Variants in FMN1 observed in about 807,000 individuals in gnomAD.
FMN1 encodes formin 1, also known as formin-1.
Under a neutral mutation model 132.4 loss-of-function variants are expected in FMN1, and 110 were observed. That is an observed-to-expected ratio of 0.83 (90% CI 0.71 to 0.97). The LOEUF is 0.97. Among genes scored for constraint, FMN1 ranks in the 50% least tolerant of loss-of-function variants. The pLI, the probability that FMN1 is intolerant of heterozygous loss-of-function variation, is 0.00. For synonymous variants in FMN1, 722 were observed against 651.7 expected, an observed-to-expected ratio of 1.11 and a Z score of -1.64; for missense variants, 1,792 against 1,705.3, an observed-to-expected ratio of 1.05 and a Z score of -0.90.
At chr15:32,874,033 T>C (rs1386822284) in intron 16 of FMN1, among the ~76,000 whole-genome samples, 1 of 150,372 alleles carries the variant, frequency 6.7e-6, no homozygotes, top group East Asian at 1.9e-4. Flanking sequence ...TTTTTTTTTT[T>C]TTTGATACAG....
intron 15 of FMN1, among the ~76,000 whole-genome samples, chr15:32,890,479 G>A (rs1347775205): frequency 6.6e-6 from 1 of 152,208 alleles, no homozygotes; most frequent in African/African-American, 2.4e-5. Context: ...GAATAAGGCA[G>A]TATCGCATTG....
chr15:33,158,159 C>T (rs1240428910), intron 3 of FMN1, among the ~76,000 whole-genome samples: 1 of 152,102 alleles, frequency 6.6e-6, no homozygotes, highest in Non-Finnish European at 1.5e-5. Context: ...GCAGTAAAAA[C>T]TCAATGAAGA....
chr15:32,881,677 CAAG>C (rs1231867907), intron 16 of FMN1, among the ~76,000 whole-genome samples: 2 of 152,108 alleles, frequency 1.3e-5, no homozygotes, highest in Non-Finnish European at 2.9e-5. Flanking sequence ...TTTCCTCTTA[CAAG>C]AAGCATTTAA....
intron 9 of FMN1, among the ~76,000 whole-genome samples, chr15:32,931,449 G>T (rs908269042): frequency 2.6e-5 from 4 of 151,930 alleles, no homozygotes; most frequent in South Asian, 4.1e-4. Context: ...TCATTTTTTT[G>T]GATGTTACTT....
Position 33,095,512 on chromosome 15 carries a change from G to A in FMN1, c.1868-6538C>T, listed in dbSNP as rs553604689. 2.1e-4 allele frequency among the ~76,000 whole-genome samples: 32 copies of A among 151,972 alleles called. No individual in the cohort carries two copies. The South Asian group carries it at 5.8e-3, about 28-fold the overall frequency. ...CTGTGCTCAGCAATCCTCCTGCCTC[G>A]GCCTCCCAAGTAGCTGGGACAACAG... On this transcript the variant is annotated intron_variant, in intron 4 of 20. Transcript: ENST00000616417.
At chr15:33,061,513 CACGCTCCTCGTGAAGTTACT>C (rs1366904330) in intron 6 of FMN1, among the ~76,000 whole-genome samples, 62 of 152,036 alleles carry the variant, frequency 4.1e-4, no homozygotes, top group African/African-American at 1.4e-3. Context: ...TTTTATAAGA[CACGCTCCTCGTGAAGTTACT>C]AAACATTATC....
chr15:33,093,282 C>G (rs2038966606), intron 4 of FMN1, among the ~76,000 whole-genome samples: 1 of 143,678 alleles, frequency 7.0e-6, no homozygotes, highest in African/African-American at 2.6e-5. Context: ...AAAATAAACC[C>G]TAAGAGGTAA....
chr15:32,869,461 G>GA (rs1422367448), intron 16 of FMN1, among the ~76,000 whole-genome samples: 1 of 152,162 alleles, frequency 6.6e-6, no homozygotes, highest in Non-Finnish European at 1.5e-5. Context: ...GCTCGAGGTG[G>GA]AAAATCAAAG....
chr15:33,153,691 A>G lies in FMN1; in HGVS notation c.1224T>C (p.Ser408=), dbSNP rs1425405882. The change falls in exon 4 of 21, where the codon AGT becomes AGC. Residue 408 remains serine, a synonymous_variant. Coordinates refer to ENST00000616417, the MANE Select transcript of FMN1 (RefSeq NM_001277313.2). The part of the protein sequence containing the change: ...SPAGETASIS[S]VSASAEGAVN... ...CGGCCCCCTCGGCACTGGCCGACAC[A>G]CTAGAAATGGAGGCTGTTTCCCCGG... The G allele has an allele frequency of 1.3e-6, 2 of 1,536,172 alleles. No homozygotes were observed. The highest frequency in any genetic ancestry group is 2.4e-5 in the South Asian group (2 of 84,056).
intron 6 of FMN1, among the ~76,000 whole-genome samples, chr15:33,051,508 T>TAAC (rs397709099): frequency 4.7e-5 from 7 of 150,488 alleles, no homozygotes; most frequent in Non-Finnish European, 8.9e-5. Context: ...GCTCTAATAA[T>TAAC]TGGTCACACC....
intron 17 of FMN1, among the ~76,000 whole-genome samples, chr15:32,841,978 G>A (rs940638141): frequency 6.6e-6 from 1 of 152,136 alleles, no homozygotes; most frequent in African/African-American, 2.4e-5. Flanking sequence ...TTAGGACACC[G>A]TGGTAGCTTG....
At chr15:33,149,828 T>C (rs1406722198) in intron 4 of FMN1, 1 of 984,078 alleles carries the variant, frequency 1.0e-6, no homozygotes, top group African/African-American at 1.7e-5. Context: ...TTAATATTAA[T>C]ATGGGAAGAG....
At chr15:32,853,232 C>T (rs2059048828) in intron 17 of FMN1, among the ~76,000 whole-genome samples, 1 of 152,134 alleles carries the variant, frequency 6.6e-6, no homozygotes, top group Admixed American at 6.5e-5. Context: ...AAAATATCTT[C>T]TTTGCTGAAA....
intron 6 of FMN1, among the ~76,000 whole-genome samples, chr15:33,026,439 C>CACACACACACA (rs201115791): frequency 1.3e-5 from 2 of 151,594 alleles, no homozygotes; most frequent in Non-Finnish European, 2.9e-5. Flanking sequence ...CACACACACA[C>CACACACACACA]TTCTGTTTAT....
chr15:32,890,238 TG>T (rs1394840586), intron 15 of FMN1, among the ~76,000 whole-genome samples: 10 of 152,330 alleles, frequency 6.6e-5, no homozygotes, highest in East Asian at 1.9e-4. Flanking sequence ...AACATGCACG[TG>T]CAAGTATCTT....
At chr15:33,191,314 A>G (rs1302098550) in intron 2 of FMN1, among the ~76,000 whole-genome samples, 1 of 152,266 alleles carries the variant, frequency 6.6e-6, no homozygotes, top group Non-Finnish European at 1.5e-5. Flanking sequence ...AGAGATAGGC[A>G]TAGTTCGAAT....
intron 16 of FMN1, among the ~76,000 whole-genome samples, chr15:32,868,627 CTCT>C (rs1481433832): frequency 6.6e-6 from 1 of 152,198 alleles, no homozygotes; most frequent in Non-Finnish European, 1.5e-5. Context: ...AAAAACATCT[CTCT>C]TCATTTGTAT....
At chr15:33,009,949 C>T (rs1056787344) in intron 6 of FMN1, among the ~76,000 whole-genome samples, 10 of 152,130 alleles carry the variant, frequency 6.6e-5, no homozygotes, top group African/African-American at 1.2e-4. Context: ...TGCAATGGCA[C>T]GATCTTGGCT....
chr15:32,930,731 G>A (rs567207186), intron 9 of FMN1, among the ~76,000 whole-genome samples: 66 of 151,026 alleles, frequency 4.4e-4, no homozygotes, highest in African/African-American at 1.5e-3. Flanking sequence ...GGGGGGGGGC[G>A]GTCTATGCTT....
Sources: allele counts gnomAD v4.1 joint callset (sites outside exome capture counted in the v4.1 genomes callset), GRCh38; gene constraint gnomAD v4.1.1; transcripts MANE v1.5; gene names NCBI Gene and HGNC (gene_info 2026-07-23, HGNC 2026-07-21).